Variants in CTNND2 observed in about 807,000 individuals in gnomAD.
CTNND2 encodes the protein catenin delta-2.
In CTNND2, 22 loss-of-function variants were observed where a neutral mutation model predicts 144.4. That is an observed-to-expected ratio of 0.15 (90% CI 0.11 to 0.22). The LOEUF (loss-of-function observed/expected upper bound fraction) is 0.22, where lower values mean the gene tolerates loss of function less well. CTNND2 is among the 10% of genes least tolerant of loss of function. The pLI is 1.00. For synonymous variants in CTNND2, 751 were observed against 695.6 expected (o/e 1.08, Z -1.25); for missense variants, 1,353 against 1,618.8 (o/e 0.84, Z 2.82).
chr5:11,356,166 T>C (rs1182583759), intron 8 of CTNND2, among the ~76,000 whole-genome samples: 1 of 151,914 alleles, frequency 6.6e-6, no homozygotes, highest in Non-Finnish European at 1.5e-5. Flanking sequence ...AAAATACCAA[T>C]GATATTCTTC....
chr5:10,979,121 G>A (rs897284844), intron 21 of CTNND2, among the ~76,000 whole-genome samples: 2 of 152,134 alleles, frequency 1.3e-5, no homozygotes, highest in African/African-American at 2.4e-5. Flanking sequence ...CACTCTTGGC[G>A]GCAAAATCAT....
chr5:11,527,643 C>G (rs985690435), intron 3 of CTNND2, among the ~76,000 whole-genome samples: 2 of 152,192 alleles, frequency 1.3e-5, no homozygotes, highest in Non-Finnish European at 2.9e-5. Context: ...AGTTGTTCCT[C>G]TAGTGATAGT....
chr5:11,732,394 C>T (rs976889188), intron 1 of CTNND2, 122 bp from the exon 2 acceptor site: 2 of 849,610 alleles, frequency 2.4e-6, no homozygotes, highest in Non-Finnish European at 3.6e-6. Context: ...TGAGAAAGAC[C>T]AAGACATAAT....
chr5:11,552,215 T>C (rs979603693), intron 3 of CTNND2, among the ~76,000 whole-genome samples: 2 of 152,196 alleles, frequency 1.3e-5, no homozygotes, highest in Admixed American at 1.3e-4. Flanking sequence ...TATTATTTCT[T>C]AAAAGGCCCA....
chr5:11,615,953 T>TC (rs1780558925), intron 2 of CTNND2, among the ~76,000 whole-genome samples: 1 of 152,198 alleles, frequency 6.6e-6, no homozygotes, highest in African/African-American at 2.4e-5. Flanking sequence ...CATGAGATGG[T>TC]CCTCTATCTC....
chr5:11,814,826 G>C (rs1057197238), intron 1 of CTNND2, among the ~76,000 whole-genome samples: 4 of 152,206 alleles, frequency 2.6e-5, no homozygotes, highest in Non-Finnish European at 5.9e-5. Flanking sequence ...CTGGTTGTGA[G>C]ACTACAATAT....
chr5:11,732,325 T>G, intron 1 of CTNND2, 53 bp from the exon 2 acceptor site: 1 of 1,561,636 alleles, frequency 6.4e-7, no homozygotes, highest in East Asian at 2.3e-5. Context: ...ACTAAACAGG[T>G]ACAACTATCA....
At chr5:11,362,467 G>A (rs1756564754) in intron 8 of CTNND2, among the ~76,000 whole-genome samples, 1 of 152,174 alleles carries the variant, frequency 6.6e-6, no homozygotes, top group Admixed American at 6.5e-5. Context: ...GGTGGATGCA[G>A]GGAAGACAGA....
At chr5:11,779,542 G>A (rs1322311721) in intron 1 of CTNND2, among the ~76,000 whole-genome samples, 1 of 152,198 alleles carries the variant, frequency 6.6e-6, no homozygotes, top group Non-Finnish European at 1.5e-5. Context: ...ATGGGTTATG[G>A]CATAGCCTGT....
chr5:11,307,924 T>C (rs1321997918), intron 9 of CTNND2, among the ~76,000 whole-genome samples: 1 of 152,164 alleles, frequency 6.6e-6, no homozygotes, highest in Non-Finnish European at 1.5e-5. Context: ...AGTAGACCAC[T>C]CATGAAGGTA....
At chr5:11,868,800 C>T (rs180701925) in intron 1 of CTNND2, among the ~76,000 whole-genome samples, 2 of 152,156 alleles carry the variant, frequency 1.3e-5, no homozygotes, top group African/African-American at 4.8e-5. Flanking sequence ...CCCTCCACAG[C>T]CTTGGGACCA....
At chr5:11,536,246 T>C (rs1444653986) in intron 3 of CTNND2, among the ~76,000 whole-genome samples, 1 of 151,980 alleles carries the variant, frequency 6.6e-6, no homozygotes, top group Non-Finnish European at 1.5e-5. Context: ...TATTTTTTGG[T>C]AGAGATAGGG....
At chr5:11,374,774 A>ATT (rs1757763301) in intron 7 of CTNND2, among the ~76,000 whole-genome samples, 1 of 104,642 alleles carries the variant, frequency 9.6e-6, no homozygotes, top group Non-Finnish European at 1.9e-5. Context: ...CTCCCAATCT[A>ATT]CTTTTTTTTT....
intron 10 of CTNND2, among the ~76,000 whole-genome samples, chr5:11,215,815 T>G (rs904857139): frequency 2.6e-5 from 4 of 152,158 alleles, no homozygotes; most frequent in African/African-American, 7.2e-5. Context: ...TCAGAGATAA[T>G]ATGGAAAACT....
At chr5:11,512,426 C>T (rs557284064) in intron 3 of CTNND2, among the ~76,000 whole-genome samples, 1 of 152,318 alleles carries the variant, frequency 6.6e-6, no homozygotes, top group East Asian at 1.9e-4. Flanking sequence ...ATCAATTTCC[C>T]ACAAAGTGTC....
chr5:11,738,050 C>G (rs1787789195), intron 1 of CTNND2, among the ~76,000 whole-genome samples: 1 of 152,172 alleles, frequency 6.6e-6, no homozygotes, highest in African/African-American at 2.4e-5. Flanking sequence ...CCTTAATTCC[C>G]CTGTGGGCTG....
At chr5:11,360,156 A>G (rs2149763224) in intron 8 of CTNND2, among the ~76,000 whole-genome samples, 1 of 152,294 alleles carries the variant, frequency 6.6e-6, no homozygotes, top group East Asian at 1.9e-4. Context: ...GCATGGATGG[A>G]TTACTTATGA....
chr5:11,754,051 T>C lies in CTNND2; in HGVS notation c.38-21779A>G, dbSNP rs149538068. Among the ~76,000 whole-genome samples, 1,354 of 151,810 alleles carry C rather than the reference T, an allele frequency of 8.9e-3. 76 individuals carry two copies. Among genetic ancestry groups the C allele is most frequent in the Admixed American group, 0.081 (1,236 of 15,166 alleles). ...TCTTTGTTATTTCCAATTGTGTTTATTGGGTTCCTCTCTCTTTTATTATTA... is the reference window on the plus strand; with the variant it reads ...TCTTTGTTATTTCCAATTGTGTTTACTGGGTTCCTCTCTCTTTTATTATTA... On this transcript the variant is annotated intron_variant, in intron 1 of 21. Coordinates refer to ENST00000304623, the MANE Select transcript of CTNND2 (RefSeq NM_001332.4).
At chr5:11,244,209 A>G (rs561692278) in intron 9 of CTNND2, among the ~76,000 whole-genome samples, 1 of 152,226 alleles carries the variant, frequency 6.6e-6, no homozygotes, top group South Asian at 2.1e-4. Context: ...CAATTAACAT[A>G]TAAAAGTATT....
Sources: gnomAD v4.1 joint callset for allele counts (sites outside exome capture counted in the v4.1 genomes callset) on GRCh38, gnomAD v4.1.1 for gene constraint, MANE v1.5 for transcripts, NCBI Gene and HGNC (gene_info 2026-07-23, HGNC 2026-07-21) for gene names.